Variants in GRIA2 observed in about 807,000 individuals in gnomAD.
GRIA2 encodes the protein glutamate receptor 2.
GRIA2 carries 14 observed loss-of-function variants against 97.3 expected under a neutral mutation model. That is an observed-to-expected ratio of 0.14 (90% confidence interval 0.10 to 0.23). GRIA2 has a LOEUF of 0.23. Among genes scored for constraint, GRIA2 ranks in the 10% least tolerant of loss-of-function variants. GRIA2 has a pLI of 1.00. For synonymous variants in GRIA2, 412 were observed against 387.8 expected, an observed-to-expected ratio of 1.06 and a Z score of -0.73; for missense variants, 558 against 1,069.8, an observed-to-expected ratio of 0.52 and a Z score of 6.67.
intron 2 of GRIA2, among the ~76,000 whole-genome samples, chr4:157,228,629 C>T (rs1729855034): frequency 6.6e-6 from 1 of 151,788 alleles, no homozygotes; most frequent in Non-Finnish European, 1.5e-5. Flanking sequence ...CTTGTCTCTA[C>T]TAAAAGTACA....
chr4:157,317,642 T>A lies in GRIA2; in HGVS notation c.667-16T>A. 1 of 931,714 alleles carries A rather than the reference T, an allele frequency of 1.1e-6. No homozygotes were observed. The highest frequency in any genetic ancestry group is 1.7e-6 in the Non-Finnish European group (1 of 580,980). The allele number at this position is 931,714 out of a possible 1,614,324, so 57.7% of individuals were successfully genotyped here. A position where few individuals can be genotyped will look rare whatever the true frequency, so the allele number is the denominator to read the frequency against. ...TATTTGTATTAATTAAATAATTACT[T>A]ATTTGTGCTTATTAGGTTATTACCA... On this transcript the variant is annotated splice_polypyrimidine_tract_variant and intron_variant, in intron 4 of 15. Transcript: ENST00000264426.
At chr4:157,349,134 A>G (rs183510637) in intron 12 of GRIA2, among the ~76,000 whole-genome samples, 2 of 152,344 alleles carry the variant, frequency 1.3e-5, no homozygotes, top group Non-Finnish European at 2.9e-5. Flanking sequence ...ATTTCAGGAT[A>G]CAGATACACT....
chr4:157,335,609 C>A, intron 9 of GRIA2, 62 bp from the exon 10 acceptor site: 1 of 973,426 alleles, frequency 1.0e-6, no homozygotes, highest in Non-Finnish European at 1.6e-6. Context: ...AGATTTGATT[C>A]AATGAGAGTA....
chr4:157,312,994 C>A (rs111757154), intron 4 of GRIA2, 119 bp downstream of exon 4: 2 of 549,940 alleles, frequency 3.6e-6, no homozygotes, highest in African/African-American at 2.0e-5. Flanking sequence ...TGTTTTATGT[C>A]GGATGCAGCA....
chr4:157,280,776 A>G (rs1392022307), intron 2 of GRIA2, among the ~76,000 whole-genome samples: 5 of 152,040 alleles, frequency 3.3e-5, no homozygotes, highest in African/African-American at 9.7e-5. Flanking sequence ...CATTGCTCAA[A>G]TTAAGTCACA....
At chr4:157,266,603 G>A (rs781464753) in intron 2 of GRIA2, among the ~76,000 whole-genome samples, 8 of 152,050 alleles carry the variant, frequency 5.3e-5, no homozygotes, top group Non-Finnish European at 1.0e-4. Flanking sequence ...TAGGCCTGTT[G>A]CAGTGAGCTA....
intron 12 of GRIA2, among the ~76,000 whole-genome samples, chr4:157,351,530 G>A (rs1270573858): frequency 6.6e-6 from 1 of 152,146 alleles, no homozygotes; most frequent in Non-Finnish European, 1.5e-5. Flanking sequence ...TAAAGTCATT[G>A]TTTTTTAAGC....
chr4:157,363,113 T>G (rs2127005298), intron 15 of GRIA2, 66 bp downstream of exon 15: 2 of 1,478,110 alleles, frequency 1.4e-6, no homozygotes, highest in Middle Eastern at 3.9e-4. Context: ...GTCCTTAAGC[T>G]CTTTTAAATA....
chr4:157,323,796 G>C (rs958127217), intron 6 of GRIA2, among the ~76,000 whole-genome samples: 1 of 152,170 alleles, frequency 6.6e-6, no homozygotes, highest in East Asian at 1.9e-4. Context: ...GCCAAAACTA[G>C]TGCCAGATTT....
intron 2 of GRIA2, among the ~76,000 whole-genome samples, chr4:157,272,458 G>A (rs2126792086): frequency 6.6e-6 from 1 of 152,076 alleles, no homozygotes; most frequent in Non-Finnish European, 1.5e-5. Flanking sequence ...GGAAGAAGTA[G>A]GAAAACCTGG....
At chr4:157,237,857 C>G (rs983735112) in intron 2 of GRIA2, among the ~76,000 whole-genome samples, 7 of 152,046 alleles carry the variant, frequency 4.6e-5, no homozygotes, top group African/African-American at 1.7e-4. Flanking sequence ...TGTGTCATAG[C>G]AGTAATATCA....
chr4:157,270,638 C>T (rs905659136), intron 2 of GRIA2, among the ~76,000 whole-genome samples: 1 of 152,062 alleles, frequency 6.6e-6, no homozygotes, highest in Non-Finnish European at 1.5e-5. Context: ...AACTCATACT[C>T]TGGCTGGAAA....
intron 12 of GRIA2, chr4:157,342,125 A>T (rs2126953573): frequency 1.0e-6 from 1 of 974,418 alleles, no homozygotes; most frequent in Non-Finnish European, 1.2e-6. Context: ...GTATAAAACA[A>T]CTCTTTCTAT....
intron 2 of GRIA2, among the ~76,000 whole-genome samples, chr4:157,303,101 G>C (rs1167138943): frequency 6.6e-6 from 1 of 152,098 alleles, no homozygotes; most frequent in Non-Finnish European, 1.5e-5. Context: ...TCAGCATTTG[G>C]AGTCTATGGA....
At chr4:157,362,394 C>T (rs1373253832) in intron 14 of GRIA2, 7 of 457,672 alleles carry the variant, frequency 1.5e-5, no homozygotes, top group Non-Finnish European at 2.2e-5. Context: ...TACAATCACA[C>T]GTATGGTTTA....
At chr4:157,295,335 C>A (rs953275201) in intron 2 of GRIA2, among the ~76,000 whole-genome samples, 1 of 152,074 alleles carries the variant, frequency 6.6e-6, no homozygotes, top group African/African-American at 2.4e-5. Context: ...TAGATCAAAA[C>A]GTATGCAAAA....
At chr4:157,221,463 C>T (rs960226982) in intron 1 of GRIA2, 7 of 592,026 alleles carry the variant, frequency 1.2e-5, no homozygotes, top group South Asian at 6.5e-5. Context: ...TGGCCGCCTA[C>T]CTCGCCTTCA....
intron 3 of GRIA2, among the ~76,000 whole-genome samples, chr4:157,305,726 G>A (rs1733814061): frequency 6.6e-6 from 1 of 151,970 alleles, no homozygotes; most frequent in African/African-American, 2.4e-5. Flanking sequence ...CTTTCACACT[G>A]TTATCTTTCA....
At chr4:157,291,609 AT>A (rs1386688286) in intron 2 of GRIA2, among the ~76,000 whole-genome samples, 4 of 152,122 alleles carry the variant, frequency 2.6e-5, no homozygotes, top group African/African-American at 9.6e-5. Context: ...AATTATTGAA[AT>A]TCTCAATTTT....
Sources: allele counts gnomAD v4.1 joint callset (sites outside exome capture counted in the v4.1 genomes callset), GRCh38; gene constraint gnomAD v4.1.1; transcripts MANE v1.5; gene names NCBI Gene and HGNC (gene_info 2026-07-23, HGNC 2026-07-21).